The following ARL15 variants were observed in gnomAD, a reference collection of about 807,000 sequenced individuals.
ARL15 encodes the protein ADP-ribosylation factor-like protein 15.
ARL15 carries 19 observed loss-of-function variants against 25.2 expected under a neutral mutation model. That is an observed-to-expected ratio of 0.75 (90% CI 0.53 to 1.10). ARL15 has a LOEUF of 1.10. Among genes scored for constraint, ARL15 ranks in the 50% least tolerant of loss-of-function variants. The pLI is 0.00. For synonymous variants in ARL15, 94 were observed against 86.8 expected (o/e 1.08, Z -0.46); for missense variants, 220 against 246.0 (o/e 0.89, Z 0.71).
At chr5:54,228,485 G>GC in intron 1 of ARL15, among the ~76,000 whole-genome samples, 1 of 151,056 alleles carries the variant, frequency 6.6e-6, no homozygotes, top group African/African-American at 2.4e-5. Flanking sequence ...CACGAGGACT[G>GC]ACCCCCCCAC....
chr5:54,304,953 C>A (rs1758717774), intron 1 of ARL15, among the ~76,000 whole-genome samples: 1 of 152,076 alleles, frequency 6.6e-6, no homozygotes, highest in Non-Finnish European at 1.5e-5. Context: ...TTTACAATTT[C>A]ATAGTGCCTG....
At chr5:54,067,811 T>C (rs1751289901) in intron 4 of ARL15, among the ~76,000 whole-genome samples, 1 of 152,022 alleles carries the variant, frequency 6.6e-6, no homozygotes, top group African/African-American at 2.4e-5. Context: ...CTATCCAGAG[T>C]TGTGCCAAAT....
chr5:54,271,782 T>A (rs919090368), intron 1 of ARL15, among the ~76,000 whole-genome samples: 3 of 152,138 alleles, frequency 2.0e-5, no homozygotes, highest in African/African-American at 7.2e-5. Flanking sequence ...AGATTCACCT[T>A]ATATAATACA....
chr5:53,902,898 A>T, intron 4 of ARL15, among the ~76,000 whole-genome samples: 1 of 152,164 alleles, frequency 6.6e-6, no homozygotes, highest in Non-Finnish European at 1.5e-5. Flanking sequence ...GAAAAAGCTG[A>T]CAGCCGCCTC....
intron 4 of ARL15, among the ~76,000 whole-genome samples, chr5:54,079,316 A>G (rs953578627): frequency 1.3e-5 from 2 of 152,182 alleles, no homozygotes; most frequent in Admixed American, 6.5e-5. Context: ...CAACCCAATA[A>G]CCACAGAGTA....
chr5:53,952,470 T>C (rs1327783557), intron 4 of ARL15, among the ~76,000 whole-genome samples: 1 of 152,152 alleles, frequency 6.6e-6, no homozygotes, highest in Non-Finnish European at 1.5e-5. Context: ...AAGTAATTTT[T>C]AGCTTAGGTA....
chr5:53,904,738 C>CTTT (rs35684823), intron 4 of ARL15, among the ~76,000 whole-genome samples: 46 of 126,136 alleles, frequency 3.6e-4, no homozygotes, highest in African/African-American at 5.4e-4. Flanking sequence ...TTTTTAGTTC[C>CTTT]TTTTTTTTTT....
intron 1 of ARL15, among the ~76,000 whole-genome samples, chr5:54,290,193 A>T (rs1444843856): frequency 6.6e-6 from 1 of 152,042 alleles, no homozygotes; most frequent in Non-Finnish European, 1.5e-5. Context: ...AATAAACAAC[A>T]TCCATTTTTT....
chr5:53,950,873 G>A (rs1404297910), intron 4 of ARL15, among the ~76,000 whole-genome samples: 2 of 152,178 alleles, frequency 1.3e-5, no homozygotes, highest in African/African-American at 2.4e-5. Flanking sequence ...TTAAAATCCC[G>A]AGACAGACGG....
At chr5:53,920,574 T>C (rs1745817292) in intron 4 of ARL15, among the ~76,000 whole-genome samples, 1 of 151,808 alleles carries the variant, frequency 6.6e-6, no homozygotes, top group Non-Finnish European at 1.5e-5. Flanking sequence ...GGGATGGCTG[T>C]GGAGGGAGGA....
chr5:54,005,493 G>A (rs929445272), intron 4 of ARL15, among the ~76,000 whole-genome samples: 4 of 152,068 alleles, frequency 2.6e-5, no homozygotes, highest in Non-Finnish European at 5.9e-5. Context: ...AGGCCAAGGC[G>A]GGTGGATCAC....
At chr5:53,949,250 C>A (rs1336263375) in intron 4 of ARL15, among the ~76,000 whole-genome samples, 3 of 152,108 alleles carry the variant, frequency 2.0e-5, no homozygotes, top group South Asian at 4.1e-4. Context: ...TGTTTATAGA[C>A]TAGCTTTGTA....
intron 1 of ARL15, among the ~76,000 whole-genome samples, chr5:54,193,749 G>C (rs1296064720): frequency 7.2e-6 from 1 of 139,036 alleles, no homozygotes; most frequent in Non-Finnish European, 1.5e-5. Flanking sequence ...TTCCAGAACT[G>C]TAACTACTTC....
chr5:53,892,651 G>T (rs1744757113), intron 4 of ARL15, among the ~76,000 whole-genome samples: 1 of 150,742 alleles, frequency 6.6e-6, no homozygotes, highest in Non-Finnish European at 1.5e-5. Flanking sequence ...CACCCAGGCT[G>T]GAGTGCTGTG....
intron 2 of ARL15, among the ~76,000 whole-genome samples, chr5:54,154,896 G>A (rs1356464657): frequency 6.6e-6 from 1 of 152,148 alleles, no homozygotes; most frequent in Non-Finnish European, 1.5e-5. Context: ...GCCAAGGCGG[G>A]CAGATCACGA....
At chr5:54,117,669 A>G (rs2112232856) in intron 3 of ARL15, among the ~76,000 whole-genome samples, 1 of 152,304 alleles carries the variant, frequency 6.6e-6, no homozygotes, top group African/African-American at 2.4e-5. Context: ...TTTGACAATA[A>G]GCACTTGTAC....
chr5:54,206,666 G>C (rs1475248403), intron 1 of ARL15, among the ~76,000 whole-genome samples: 1 of 152,168 alleles, frequency 6.6e-6, no homozygotes, highest in Non-Finnish European at 1.5e-5. Context: ...GTTTCATAAA[G>C]AAGGAACTAT....
intron 1 of ARL15, among the ~76,000 whole-genome samples, chr5:54,242,839 G>A (rs1321188873): frequency 6.6e-6 from 1 of 151,912 alleles, no homozygotes; most frequent in Non-Finnish European, 1.5e-5. Flanking sequence ...AAATTATAAC[G>A]AACACACCTC....
At chr5:54,113,070 TGA>T in intron 4 of ARL15, 130 bp downstream of exon 4, 1 of 882,736 alleles carries the variant, frequency 1.1e-6, no homozygotes, top group Non-Finnish European at 1.7e-6. Context: ...CTGCTTCCTA[TGA>T]AAACTAAGGT....
Sources: gnomAD v4.1 joint callset for allele counts (sites outside exome capture counted in the v4.1 genomes callset) on GRCh38, gnomAD v4.1.1 for gene constraint, MANE v1.5 for transcripts, NCBI Gene and HGNC (gene_info 2026-07-23, HGNC 2026-07-21) for gene names.